The following DIAPH2 variants were observed in gnomAD, a reference collection of about 807,000 sequenced individuals.
The protein encoded by DIAPH2 is diaphanous related formin 2.
Under a neutral mutation model 92.7 loss-of-function variants are expected in DIAPH2, and 35 were observed. The ratio of observed to expected loss-of-function variants is 0.38; its 90% CI spans 0.29 to 0.50. DIAPH2 has a LOEUF of 0.50. Among genes scored for constraint, DIAPH2 ranks in the 20% least tolerant of loss-of-function variants. The pLI is 0.94. For synonymous variants in DIAPH2, 301 were observed against 280.4 expected (o/e 1.07, Z -0.73); for missense variants, 701 against 819.5 (o/e 0.86, Z 1.77).
intron 25 of DIAPH2, among the ~76,000 whole-genome samples, chrX:97,409,550 G>C (rs1164800628): frequency 1.8e-5 from 2 of 111,626 alleles, no homozygotes; most frequent in Non-Finnish European, 3.8e-5. Flanking sequence ...CAGAGTGCGA[G>C]CCGAAGCAGG....
rs180979210 is a variant in DIAPH2, at chrX:96,764,063, A to G, written c.447+5805A>G. 7.3e-5 allele frequency among the ~76,000 whole-genome samples: 8 copies of G among 109,396 alleles called. No individual in the cohort carries two copies. In the Admixed American group the frequency reaches 7.9e-4, roughly 11 times the overall value. The allele number at this position is 109,396 out of a possible 115,157, so 95.0% of individuals were successfully genotyped here. ...AAAATCGAATATTTATTTAGTGCTT[A>G]TTATATGCCAAGAATTATTCTAGGT... On this transcript the variant is annotated intron_variant, in intron 4 of 26. Transcript: ENST00000324765.
chrX:96,857,020 C>CA (rs2147719583), intron 4 of DIAPH2, among the ~76,000 whole-genome samples: 3 of 95,391 alleles, frequency 3.1e-5, no homozygotes, highest in African/African-American at 1.3e-4. Context: ...GGCTGGGAGA[C>CA]AGAGTGAGAC....
chrX:97,010,194 C>T (rs748581981), intron 17 of DIAPH2, among the ~76,000 whole-genome samples: 1 of 111,680 alleles, frequency 9.0e-6, no homozygotes, highest in African/African-American at 3.3e-5. Context: ...GAGTTCTACC[C>T]CATATTGCTT....
chrX:97,508,974 A>T (rs1300305914), intron 26 of DIAPH2, among the ~76,000 whole-genome samples: 2 of 109,777 alleles, frequency 1.8e-5, no homozygotes, highest in Non-Finnish European at 3.8e-5. Context: ...AACAAAAAAA[A>T]AACAGATTAC....
intron 25 of DIAPH2, among the ~76,000 whole-genome samples, chrX:97,389,117 TC>T (rs2069629453): frequency 9.1e-6 from 1 of 109,381 alleles, no homozygotes; most frequent in African/African-American, 3.3e-5. Flanking sequence ...CCTCCAGGAG[TC>T]CCCCGCCACA....
intron 23 of DIAPH2, among the ~76,000 whole-genome samples, chrX:97,290,423 T>C (rs1284460316): frequency 1.8e-5 from 2 of 111,884 alleles, no homozygotes; most frequent in African/African-American, 6.5e-5. Context: ...TGAGGGACTT[T>C]GGATCTCATT....
chrX:96,965,792 G>T (rs1022630334), intron 17 of DIAPH2, among the ~76,000 whole-genome samples: 1 of 111,612 alleles, frequency 9.0e-6, no homozygotes, highest in Non-Finnish European at 1.9e-5. Flanking sequence ...TTATTTGCTT[G>T]TGAATTTCAC....
chrX:97,295,061 T>C (rs2068632058), intron 23 of DIAPH2, among the ~76,000 whole-genome samples: 1 of 111,370 alleles, frequency 9.0e-6, no homozygotes, highest in Non-Finnish European at 1.9e-5. Context: ...TACCTAGATA[T>C]AGATCCTTAA....
At chrX:97,178,662 G>A (rs908720547) in intron 22 of DIAPH2, among the ~76,000 whole-genome samples, 2 of 109,175 alleles carry the variant, frequency 1.8e-5, no homozygotes, top group Admixed American at 9.9e-5. Context: ...CATGTTGGAC[G>A]GGTTGGACAG....
intron 20 of DIAPH2, among the ~76,000 whole-genome samples, chrX:97,110,997 A>G (rs777494901): frequency 9.3e-6 from 1 of 107,781 alleles, no homozygotes; most frequent in Non-Finnish European, 1.9e-5. Context: ...AAAACAAACA[A>G]AAAAAAAAAG....
intron 3 of DIAPH2, 146 bp from the exon 4 acceptor site, chrX:96,758,008 C>T (rs771252092): frequency 2.5e-5 from 11 of 441,672 alleles, no homozygotes; most frequent in African/African-American, 7.5e-5. Flanking sequence ...AAAATAATAG[C>T]GAAGTATCCC....
intron 24 of DIAPH2, among the ~76,000 whole-genome samples, chrX:97,379,400 C>T (rs1276207387): frequency 8.9e-6 from 1 of 112,230 alleles, no homozygotes; most frequent in Non-Finnish European, 1.9e-5. Context: ...ATAATAATCA[C>T]AGCTACTATA....
intron 17 of DIAPH2, among the ~76,000 whole-genome samples, chrX:96,994,305 G>A (rs944823383): frequency 3.6e-5 from 4 of 111,930 alleles, no homozygotes; most frequent in African/African-American, 1.3e-4. Flanking sequence ...GGAAGCAGAA[G>A]TCTAATATGA....
chrX:96,817,808 TC>T (rs1183744165), intron 4 of DIAPH2, among the ~76,000 whole-genome samples: 1 of 107,484 alleles, frequency 9.3e-6, no homozygotes, highest in African/African-American at 3.4e-5. Flanking sequence ...CTCTCAAAGT[TC>T]CCCCCAATCA....
At chrX:97,503,877 A>G (rs760176788) in intron 26 of DIAPH2, among the ~76,000 whole-genome samples, 2 of 112,228 alleles carry the variant, frequency 1.8e-5, no homozygotes, top group South Asian at 3.7e-4. Flanking sequence ...CTAAAATGCC[A>G]TAGGTCTAAT....
intron 23 of DIAPH2, among the ~76,000 whole-genome samples, chrX:97,301,084 A>C (rs2068699996): frequency 9.7e-6 from 1 of 103,234 alleles, no homozygotes; most frequent in African/African-American, 3.5e-5. Context: ...TGGGCGGATT[A>C]CAAAGTCAGG....
chrX:97,569,957 G>A (rs1030145743), intron 26 of DIAPH2, among the ~76,000 whole-genome samples: 53 of 102,388 alleles, frequency 5.2e-4, no homozygotes, highest in Middle Eastern at 5.2e-3. Context: ...TAGTGTCATC[G>A]TCTATTAAAA....
intron 23 of DIAPH2, among the ~76,000 whole-genome samples, chrX:97,284,214 T>C (rs1420241457): frequency 8.9e-6 from 1 of 112,048 alleles, no homozygotes; most frequent in African/African-American, 3.2e-5. Context: ...TCTGACTAAA[T>C]ATTAGCACAG....
At position 97,572,607 on chromosome X, in the gene DIAPH2, A is replaced by T. The variant is rs765337370; in HGVS notation, c.3242-26646A>T. On this transcript the variant is annotated intron_variant, in intron 26 of 26. Transcript: ENST00000324765. ...ATAATTTGGCCTTAACTTTCCCCTTATAAAAGGCCATATTCCATACACATC... is the reference window on the plus strand; with the variant it reads ...ATAATTTGGCCTTAACTTTCCCCTTTTAAAAGGCCATATTCCATACACATC... Among the ~76,000 whole-genome samples the T allele has an allele frequency of 4.5e-5, 5 of 111,932 alleles. No homozygotes were observed. In the East Asian group the frequency reaches 1.4e-3, roughly 31 times the overall value.
Sources: allele counts gnomAD v4.1 joint callset (sites outside exome capture counted in the v4.1 genomes callset), GRCh38; gene constraint gnomAD v4.1.1; transcripts MANE v1.5; gene names NCBI Gene and HGNC (gene_info 2026-07-23, HGNC 2026-07-21).